ADAMTS6: variants seen among roughly 807,000 people sequenced by gnomAD.
The protein encoded by ADAMTS6 is ADAM metallopeptidase with thrombospondin type 1 motif 6.
A neutral mutation model predicts 144.3 loss-of-function variants in ADAMTS6; 23 were observed. The observed-to-expected ratio is 0.16, with a 90% CI of 0.11 to 0.23. The LOEUF (loss-of-function observed/expected upper bound fraction) is 0.23, where lower values mean the gene tolerates loss of function less well. Ranked by LOEUF, ADAMTS6 falls within the 10% of genes least tolerant of loss-of-function variation. The pLI is 1.00. For synonymous variants in ADAMTS6, 444 were observed against 457.5 expected (o/e 0.97, Z 0.38); for missense variants, 999 against 1,379.6 (o/e 0.72, Z 4.37).
chr5:65,312,819 G>T (rs1467715701), intron 9 of ADAMTS6, among the ~76,000 whole-genome samples: 1 of 151,996 alleles, frequency 6.6e-6, no homozygotes, highest in Non-Finnish European at 1.5e-5. Context: ...GAGGAAGCTA[G>T]CTATTAGAGA....
chr5:65,311,381 A>G (rs1561408601), intron 9 of ADAMTS6, among the ~76,000 whole-genome samples: 1 of 152,152 alleles, frequency 6.6e-6, no homozygotes, highest in Non-Finnish European at 1.5e-5. Flanking sequence ...CATAAAGGTT[A>G]TTCATTAAAT....
chr5:65,270,546 T>A (rs527768124), intron 12 of ADAMTS6, among the ~76,000 whole-genome samples: 1 of 152,348 alleles, frequency 6.6e-6, no homozygotes, highest in Admixed American at 6.5e-5. Context: ...AAGGTTATTC[T>A]GAGGACCATC....
chr5:65,381,845 T>C (rs1752076504), intron 7 of ADAMTS6, among the ~76,000 whole-genome samples: 1 of 152,158 alleles, frequency 6.6e-6, no homozygotes, highest in South Asian at 2.1e-4. Flanking sequence ...TCTTTAACAA[T>C]AGTTTTATAG....
chr5:65,403,556 T>C (rs1452329402), intron 7 of ADAMTS6, among the ~76,000 whole-genome samples: 1 of 152,130 alleles, frequency 6.6e-6, no homozygotes, highest in Non-Finnish European at 1.5e-5. Context: ...TCTAAAACTT[T>C]CACATTTTCA....
At chr5:65,213,144 C>T (rs1018726249) in intron 20 of ADAMTS6, among the ~76,000 whole-genome samples, 1 of 152,074 alleles carries the variant, frequency 6.6e-6, no homozygotes, top group African/African-American at 2.4e-5. Flanking sequence ...AAATCACCAG[C>T]CATTTTACAC....
At chr5:65,480,446 G>A (rs1340649764) in intron 1 of ADAMTS6, among the ~76,000 whole-genome samples, 1 of 151,782 alleles carries the variant, frequency 6.6e-6, no homozygotes, top group Non-Finnish European at 1.5e-5. Flanking sequence ...TGGATAAAAC[G>A]CGTGTGACCC....
At chr5:65,344,663 G>T (rs989636681) in intron 7 of ADAMTS6, among the ~76,000 whole-genome samples, 27 of 151,780 alleles carry the variant, frequency 1.8e-4, no homozygotes, top group Admixed American at 1.4e-3. Context: ...AAATTCCAAG[G>T]AGTGAAACAT....
At chr5:65,392,881 A>G (rs1183519434) in intron 7 of ADAMTS6, among the ~76,000 whole-genome samples, 1 of 152,172 alleles carries the variant, frequency 6.6e-6, no homozygotes, top group Non-Finnish European at 1.5e-5. Context: ...AAATATTAAA[A>G]TATTATATTT....
chr5:65,178,487 G>T (rs1754121985), intron 22 of ADAMTS6, among the ~76,000 whole-genome samples: 1 of 152,072 alleles, frequency 6.6e-6, no homozygotes, highest in African/African-American at 2.4e-5. Context: ...AACTCATGTC[G>T]GCCCCAGCCC....
chr5:65,236,649 A>C (rs1236059702), intron 15 of ADAMTS6, among the ~76,000 whole-genome samples: 5 of 152,222 alleles, frequency 3.3e-5, no homozygotes, highest in Non-Finnish European at 7.3e-5. Flanking sequence ...GAAAATTTCA[A>C]ATATTTGGAA....
At chr5:65,377,336 G>T (rs1405154832) in intron 7 of ADAMTS6, among the ~76,000 whole-genome samples, 1 of 152,050 alleles carries the variant, frequency 6.6e-6, no homozygotes, top group Non-Finnish European at 1.5e-5. Flanking sequence ...TTTCCACATG[G>T]CTAAGTTGTC....
chr5:65,317,563 C>T (rs1210292511), intron 9 of ADAMTS6, among the ~76,000 whole-genome samples: 1 of 152,112 alleles, frequency 6.6e-6, no homozygotes, highest in Non-Finnish European at 1.5e-5. Context: ...CAAATGGGAT[C>T]ACATCAAGTT....
At chr5:65,275,407 GAA>G (rs1202222325) in intron 11 of ADAMTS6, among the ~76,000 whole-genome samples, 1 of 119,912 alleles carries the variant, frequency 8.3e-6, no homozygotes, top group African/African-American at 3.2e-5. Context: ...AAGAAAGAAA[GAA>G]AGAAAGAAAA....
At chr5:65,203,563 T>G (rs1755881128) in intron 20 of ADAMTS6, among the ~76,000 whole-genome samples, 1 of 152,204 alleles carries the variant, frequency 6.6e-6, no homozygotes, top group Admixed American at 6.5e-5. Flanking sequence ...GGCTTTTCTT[T>G]TAAACATATA....
chr5:65,193,960 A>C (rs1198528704), intron 21 of ADAMTS6, among the ~76,000 whole-genome samples: 2 of 152,182 alleles, frequency 1.3e-5, no homozygotes, highest in Non-Finnish European at 2.9e-5. Flanking sequence ...TTTTATATAC[A>C]CATGCCTCTG....
At chr5:65,300,208 C>T in intron 9 of ADAMTS6, 77 bp from the exon 10 acceptor site, 12 of 1,404,668 alleles carry the variant, frequency 8.5e-6, no homozygotes, top group South Asian at 2.6e-5. Context: ...CCTTATTTGG[C>T]CATTTATTAG....
At chr5:65,453,585 A>T (rs1758931124) in intron 4 of ADAMTS6, among the ~76,000 whole-genome samples, 1 of 152,216 alleles carries the variant, frequency 6.6e-6, no homozygotes, top group African/African-American at 2.4e-5. Context: ...ATTTGCTTTG[A>T]ACCATATTTA....
chr5:65,390,176 AT>A (rs1239786037), intron 7 of ADAMTS6, among the ~76,000 whole-genome samples: 2 of 152,242 alleles, frequency 1.3e-5, no homozygotes, highest in Non-Finnish European at 2.9e-5. Context: ...GGTCATAAAA[AT>A]ATGACAAATT....
intron 7 of ADAMTS6, among the ~76,000 whole-genome samples, chr5:65,442,499 A>G (rs1757941806): frequency 1.3e-5 from 2 of 151,978 alleles, no homozygotes; most frequent in Non-Finnish European, 2.9e-5. Context: ...TTCTATACAA[A>G]CTCTTCCAGA....
Sources: allele counts gnomAD v4.1 joint callset (sites outside exome capture counted in the v4.1 genomes callset), GRCh38; gene constraint gnomAD v4.1.1; transcripts MANE v1.5; gene names NCBI Gene and HGNC (gene_info 2026-07-23, HGNC 2026-07-21).